ZYG11B: variants seen among roughly 807,000 people sequenced by gnomAD.
ZYG11B encodes zyg-11 family member B, cell cycle regulator, also known as protein zyg-11 homolog B.
In ZYG11B, 36 loss-of-function variants were observed where a neutral mutation model predicts 82.4. The ratio of observed to expected loss-of-function variants is 0.44; its 90% CI spans 0.33 to 0.58. The LOEUF is 0.58. Among genes scored for constraint, ZYG11B ranks in the 20% least tolerant of loss-of-function variants. The pLI, the probability that ZYG11B is intolerant of heterozygous loss-of-function variation, is 0.02. For synonymous variants in ZYG11B, 303 were observed against 312.8 expected (o/e 0.97, Z 0.33); for missense variants, 552 against 895.6 (o/e 0.62, Z 4.90).
At chr1:52,740,209 G>A (rs1281484809) in intron 1 of ZYG11B, among the ~76,000 whole-genome samples, 1 of 152,136 alleles carries the variant, frequency 6.6e-6, no homozygotes, top group Admixed American at 6.6e-5. Context: ...CTGCTCAATG[G>A]CCACTGACCT....
intron 9 of ZYG11B, 21 bp downstream of exon 9, chr1:52,802,001 TAC>T (rs911218765): frequency 6.3e-7 from 1 of 1,592,014 alleles, no homozygotes; most frequent in Non-Finnish European, 8.5e-7. Context: ...GAATTTAGCT[TAC>T]AGTTTTGATA....
rs901146821 is a variant in ZYG11B, at chr1:52,823,793, T to C, written c.*2164T>C. The C allele has an allele frequency of 2.0e-5, 3 of 152,222 alleles. No homozygotes were observed. The highest frequency in any genetic ancestry group is 1.5e-5 in the Non-Finnish European group (1 of 68,042). 9.4% of individuals were successfully genotyped at this position (152,222 alleles called of 1,614,324 possible). A position where few individuals can be genotyped will look rare whatever the true frequency, so the allele number is the denominator to read the frequency against. ...AAGTGTACAGAAAACAGTAAATCCC[T>C]TCTTTACTCAGAATAACTTCTTAAT... On this transcript the variant is annotated 3_prime_UTR_variant, in exon 14 of 14. Transcript: ENST00000294353.
At chr1:52,751,628 G>A (rs1012764870) in intron 1 of ZYG11B, among the ~76,000 whole-genome samples, 5 of 151,898 alleles carry the variant, frequency 3.3e-5, no homozygotes, top group African/African-American at 7.3e-5. Flanking sequence ...GCAAGACTCC[G>A]TCTCAAAAAC....
In ZYG11B at chr1:52,825,539, A is replaced by G. The variant is rs1645317467; in HGVS notation, c.*3910A>G. On this transcript the variant is annotated 3_prime_UTR_variant, in exon 14 of 14. Transcript: ENST00000294353. ...TTCATTTGCAAACTTCTACATAATCAAGTTTTATGTTTAAAACCATCGGTT... is the reference window on the plus strand; with the variant it reads ...TTCATTTGCAAACTTCTACATAATCGAGTTTTATGTTTAAAACCATCGGTT... 1 of 152,002 alleles carries G rather than the reference A, an allele frequency of 6.6e-6. No homozygotes were observed. The highest frequency in any genetic ancestry group is 1.5e-5 in the Non-Finnish European group (1 of 68,024). 9.4% of individuals were successfully genotyped at this position (152,002 alleles called of 1,614,324 possible). A position where few individuals can be genotyped will look rare whatever the true frequency, so the allele number is the denominator to read the frequency against.
chr1:52,749,539 G>C (rs1005173520), intron 1 of ZYG11B, among the ~76,000 whole-genome samples: 3 of 152,186 alleles, frequency 2.0e-5, no homozygotes, highest in Admixed American at 2.0e-4. Flanking sequence ...GAATAGAGGA[G>C]GGAATTACTT....
At chr1:52,777,322 TATATC>T (rs1243340904) in intron 3 of ZYG11B, among the ~76,000 whole-genome samples, 1 of 152,204 alleles carries the variant, frequency 6.6e-6, no homozygotes, top group East Asian at 1.9e-4. Flanking sequence ...TCATGTGACA[TATATC>T]AATACTGTAG....
chr1:52,809,211 A>G (rs534545355), intron 10 of ZYG11B, among the ~76,000 whole-genome samples: 90 of 152,262 alleles, frequency 5.9e-4, no homozygotes, highest in Admixed American at 1.4e-3. Context: ...TTTTAAGTGT[A>G]TTGTTCAGTG....
intron 1 of ZYG11B, among the ~76,000 whole-genome samples, chr1:52,736,659 G>A (rs1003613950): frequency 6.6e-6 from 1 of 152,098 alleles, no homozygotes; most frequent in African/African-American, 2.4e-5. Flanking sequence ...CACCATGTTG[G>A]CCAGGCTGGT....
chr1:52,726,768 C>T (rs1260926258), intron 1 of ZYG11B, 85 bp downstream of exon 1: 3 of 1,331,944 alleles, frequency 2.3e-6, no homozygotes, highest in Non-Finnish European at 2.9e-6. Flanking sequence ...TCTTGCCCCT[C>T]CCTGTCTCTG....
chr1:52,815,826 T>C (rs56410154), intron 12 of ZYG11B, among the ~76,000 whole-genome samples: 24,398 of 151,686 alleles, frequency 0.16, 2,495 homozygotes, highest in Non-Finnish European at 0.21. Context: ...TCCCAGCTAC[T>C]TGGGAGGCTG....
chr1:52,798,293 G>A (rs1224038159), intron 8 of ZYG11B, among the ~76,000 whole-genome samples: 1 of 151,916 alleles, frequency 6.6e-6, no homozygotes, highest in Non-Finnish European at 1.5e-5. Context: ...AAAATTACTT[G>A]AACCATTGGG....
chr1:52,787,798 TAAAA>T (rs34726355), intron 5 of ZYG11B, among the ~76,000 whole-genome samples: 2 of 148,596 alleles, frequency 1.3e-5, no homozygotes, highest in South Asian at 4.3e-4. Flanking sequence ...ACAACTCAAT[TAAAA>T]AAAAAAAACC....
chr1:52,826,462 T>C lies in ZYG11B; in HGVS notation c.*4833T>C, dbSNP rs1645325468. The C allele has an allele frequency of 6.6e-6, 1 of 152,248 alleles. No homozygotes were observed. Among genetic ancestry groups the C allele is most frequent in the Non-Finnish European group, 1.5e-5 (1 of 68,052 alleles). 9.4% of individuals were successfully genotyped at this position (152,248 alleles called of 1,614,324 possible). On this transcript the variant is annotated 3_prime_UTR_variant, in exon 14 of 14. Transcript: ENST00000294353. ...AGAATAGCCGTATGATAAGAGAATT[T>C]GCTCATCGTGCTTTAAATGATTAAC...
chr1:52,728,403 C>T (rs939410631), intron 1 of ZYG11B, among the ~76,000 whole-genome samples: 2 of 152,240 alleles, frequency 1.3e-5, no homozygotes, highest in African/African-American at 2.4e-5. Context: ...ACCACAGGCA[C>T]GGACTACCGT....
At chr1:52,816,511 T>A (rs376458195) in intron 12 of ZYG11B, 21 bp from the exon 13 acceptor site, 1 of 1,535,334 alleles carries the variant, frequency 6.5e-7, no homozygotes, top group African/African-American at 1.4e-5. Flanking sequence ...TAACTTTGAT[T>A]CTTTTCTTTT....
intron 2 of ZYG11B, among the ~76,000 whole-genome samples, chr1:52,760,898 G>A (rs561488971): frequency 6.6e-6 from 1 of 150,992 alleles, no homozygotes; most frequent in African/African-American, 2.4e-5. Context: ...AAGTAGCTGG[G>A]ACTACAGGTG....
intron 1 of ZYG11B, 72 bp from the exon 2 acceptor site, chr1:52,756,386 T>G: frequency 6.9e-7 from 1 of 1,450,544 alleles, no homozygotes; most frequent in Non-Finnish European, 9.5e-7. Context: ...AATGAATGTT[T>G]TGTTCTCTGC....
chr1:52,821,417 T>C, intron 13 of ZYG11B, 22 bp from the exon 14 acceptor site: 1 of 1,539,756 alleles, frequency 6.5e-7, no homozygotes, highest in Non-Finnish European at 8.8e-7. Context: ...CTGTTTTGTG[T>C]GTGTTTTTTT....
chr1:52,747,521 T>G (rs146718037), intron 1 of ZYG11B, among the ~76,000 whole-genome samples: 3 of 152,282 alleles, frequency 2.0e-5, no homozygotes, highest in Non-Finnish European at 4.4e-5. Flanking sequence ...GGCCCCACTT[T>G]CTACAGTATG....
Sources: gnomAD v4.1 joint callset for allele counts (sites outside exome capture counted in the v4.1 genomes callset) on GRCh38, gnomAD v4.1.1 for gene constraint, MANE v1.5 for transcripts, NCBI Gene and HGNC (gene_info 2026-07-23, HGNC 2026-07-21) for gene names.